Variants in SRRM2 observed in about 807,000 individuals in gnomAD.
SRRM2 encodes the protein serine/arginine repetitive matrix 2.
SRRM2 carries 30 observed loss-of-function variants against 213.8 expected under a neutral mutation model. The observed-to-expected ratio is 0.14, with a 90% CI of 0.10 to 0.19. The LOEUF (loss-of-function observed/expected upper bound fraction) is 0.19, where lower values mean the gene tolerates loss of function less well. Ranked by LOEUF, SRRM2 falls within the 10% of genes least tolerant of loss-of-function variation. The probability of loss-of-function intolerance (pLI) is 1.00; values close to 1 mark genes in which losing one functional copy is unlikely to be tolerated. For missense variants in SRRM2, 4,904 were observed against 3,647.0 expected (o/e 1.34, Z -8.88); for synonymous variants, 2,025 against 1,377.7 (o/e 1.47, Z -10.40).
chr16:2,771,283 C>T lies in SRRM2; in HGVS notation c.*416C>T. The T allele has an allele frequency of 1.1e-6, 1 of 873,330 alleles. No homozygotes were observed. The highest frequency in any genetic ancestry group is 1.9e-6 in the Non-Finnish European group (1 of 536,860). The allele number at this position is 873,330 out of a possible 1,614,324, so 54.1% of individuals were successfully genotyped here. A position where few individuals can be genotyped will look rare whatever the true frequency, so the allele number is the denominator to read the frequency against. On this transcript the variant is annotated 3_prime_UTR_variant, in exon 15 of 15. Coordinates refer to ENST00000301740, the MANE Select transcript of SRRM2 (RefSeq NM_016333.4). ...GGGCAGGAGTTGGAATTAGTTGGTC[C>T]CTACTGTCCCCCATGAGGTTGTGAA...
In SRRM2 at chr16:2,763,865, C is replaced by T; in HGVS notation, c.3337C>T (p.Pro1113Ser). The T allele has an allele frequency of 6.2e-7, 1 of 1,614,140 alleles. No individual in the cohort carries two copies. Among genetic ancestry groups the T allele is most frequent in the Non-Finnish European group, 8.5e-7 (1 of 1,180,020 alleles). ...SPVTELASRS[P>S]IRQDRGEFSA... ...AGTCACTGAGCTGGCATCCAGATCT[C>T]CAATAAGACAAGATAGAGGTGAGTT... Residue 1113 changes from proline (P) to serine (S), a missense_variant, in exon 11 of 15, where the codon CCA becomes TCA. By Grantham distance (74) the Pro-to-Ser change is moderately conservative. Coordinates refer to ENST00000301740, the MANE Select transcript of SRRM2 (RefSeq NM_016333.4).
chr16:2,770,821 G>T, intron 14 of SRRM2, 37 bp from the exon 15 acceptor site: 1 of 1,613,884 alleles, frequency 6.2e-7, no homozygotes, highest in Non-Finnish European at 8.5e-7. Flanking sequence ...GAGGGCTGGG[G>T]TGGGAACTCC....
intron 13 of SRRM2, 31 bp from the exon 14 acceptor site, chr16:2,770,573 C>T (rs566288195): frequency 6.4e-6 from 10 of 1,551,446 alleles, no homozygotes; most frequent in East Asian, 2.4e-5. Context: ...GTGGTGCCAC[C>T]CTGTGGCCTG....
intron 9 of SRRM2, 44 bp from the exon 10 acceptor site, chr16:2,760,257 A>G (rs1230037471): frequency 6.3e-7 from 1 of 1,583,826 alleles, no homozygotes; most frequent in African/African-American, 1.3e-5. Flanking sequence ...TCTCCCTTTG[A>G]GCTGATTTCC....
chr16:2,763,168 G>A lies in SRRM2; in HGVS notation c.2640G>A (p.Glu880=). The A allele has an allele frequency of 3.7e-6, 6 of 1,614,082 alleles. No individual in the cohort carries two copies. The highest frequency in any genetic ancestry group is 5.1e-6 in the Non-Finnish European group (6 of 1,180,022). The part of the protein sequence containing the change: ...RSCFESSPDP[E]LKSRTPSRHS... ...GTTTTGAATCATCACCTGACCCTGA[G>A]TTGAAATCTAGGACCCCTTCTAGAC... Residue 880 remains glutamate, a synonymous_variant, in exon 11 of 15, where the codon GAG becomes GAA. Coordinates refer to ENST00000301740, the MANE Select transcript of SRRM2 (RefSeq NM_016333.4).
chr16:2,761,934 G>A lies in SRRM2; in HGVS notation c.1406G>A (p.Arg469Gln), dbSNP rs370855457. 7.4e-6 allele frequency: 12 copies of A among 1,613,778 alleles called. No individual in the cohort carries two copies. In the East Asian group the frequency reaches 1.1e-4, roughly 15 times the overall value. ...SKNRSHGRAK[R>Q]DKSHSHTPSR... ...AATCGCTCACATGGCCGAGCAAAAC[G>A]GGATAAATCACATTCTCATACCCCC... is the stretch of plus-strand genomic sequence containing the variant. Residue 469 changes from arginine to glutamine, a missense_variant, in exon 11 of 15, where the codon CGG becomes CAG. Arg to Gln is a conservative substitution (Grantham distance 43). Coordinates refer to ENST00000301740, the MANE Select transcript of SRRM2 (RefSeq NM_016333.4).
chr16:2,759,344 T>C lies in SRRM2; in HGVS notation c.690-8T>C, dbSNP rs1438050648. On this transcript the variant is annotated splice_region_variant and splice_polypyrimidine_tract_variant and intron_variant, in intron 7 of 14. Coordinates refer to ENST00000301740, the MANE Select transcript of SRRM2 (RefSeq NM_016333.4). ...AGTTACTTTTAACAACCTTTCCTTA[T>C]TTCCCAGGTCTCCCACTCCAAAGAG... 3.7e-6 allele frequency: 6 copies of C among 1,606,000 alleles called. No homozygotes were observed. Among genetic ancestry groups the C allele is most frequent in the Non-Finnish European group, 4.2e-6 (5 of 1,177,930 alleles).
intron 3 of SRRM2, 39 bp downstream of exon 3, chr16:2,757,618 C>G: frequency 6.3e-7 from 1 of 1,592,420 alleles, no homozygotes; most frequent in Non-Finnish European, 8.6e-7. Context: ...CTGGACTCTA[C>G]TCTGGCTGCT....
chr16:2,769,370 G>A (rs1029084802), intron 12 of SRRM2, 86 bp downstream of exon 12: 2 of 1,448,222 alleles, frequency 1.4e-6, no homozygotes, highest in African/African-American at 2.8e-5. Context: ...CTCCCCGCTG[G>A]GTGTCTCACG....
intron 10 of SRRM2, 26 bp from the exon 11 acceptor site, chr16:2,761,535 A>G (rs1567226462): frequency 6.1e-6 from 9 of 1,470,730 alleles, no homozygotes; most frequent in African/African-American, 4.3e-5. Flanking sequence ...ATGAATCCCT[A>G]TCCCTGCTCT....
rs757850888 is a variant in SRRM2 at position 2,766,809 on chromosome 16, C to T, written c.6281C>T (p.Pro2094Leu). 15 of 1,614,092 alleles carry T rather than the reference C, an allele frequency of 9.3e-6. No individual in the cohort carries two copies. The East Asian group carries it at 1.6e-4, about 17-fold the overall frequency. ...GATCGTTCACGATCTGCTACTCCTCCAGCAACAAGAAATCATTCTGGTTCA... is the reference window on the plus strand; with the variant it reads ...GATCGTTCACGATCTGCTACTCCTCTAGCAACAAGAAATCATTCTGGTTCA... ...SSDRSRSATP[P>L]ATRNHSGSRT... Residue 2094 changes from proline (P) to leucine (L), a missense_variant, in exon 11 of 15, where the codon CCA (proline) becomes CTA (leucine). Pro to Leu is a moderately conservative substitution (Grantham distance 98). Transcript: ENST00000301740. This position sits in a 1 kb window ranked among gnomAD's most constrained non-coding sequence, Gnocchi z 7.0.
chr16:2,757,955 G>T lies in SRRM2; in HGVS notation c.515+10G>T. ...CTCCCAAACCTTACAGGTATACAAG[G>T]CCAAGAAACCACTGTCAGCTTCTTT... On this transcript the variant is annotated intron_variant, in intron 4 of 14. Coordinates refer to ENST00000301740, the MANE Select transcript of SRRM2 (RefSeq NM_016333.4). 7.5e-6 allele frequency: 12 copies of T among 1,600,484 alleles called. No individual in the cohort carries two copies. Among genetic ancestry groups the T allele is most frequent in the Non-Finnish European group, 1.0e-5 (12 of 1,173,692 alleles).
rs1318793266 is a variant in SRRM2, at chr16:2,767,415, A to G, written c.6887A>G (p.Asn2296Ser). Residue 2296 changes from asparagine (N) to serine (S), a missense_variant, in exon 11 of 15, where the codon AAC becomes AGC. By Grantham distance (46) the Asn-to-Ser change is conservative. Coordinates refer to ENST00000301740, the MANE Select transcript of SRRM2 (RefSeq NM_016333.4). ...CGCACTCCCACAGCCCCAGCTGTGA[A>G]CCTAGCAGGGGCCAGAACCCCAGCT... is the stretch of plus-strand genomic sequence containing the variant. ...DPRTPTAPAVNLAGARTPAAL... is the reference protein window; with the variant it reads ...DPRTPTAPAVSLAGARTPAAL... The G allele has an allele frequency of 6.2e-7, 1 of 1,613,812 alleles. No homozygotes were observed. Among genetic ancestry groups the G allele is most frequent in the Non-Finnish European group, 8.5e-7 (1 of 1,179,986 alleles).
At position 2,764,188 on chromosome 16, in the gene SRRM2, A is replaced by G; in HGVS notation, c.3660A>G (p.Pro1220=). 6.2e-7 allele frequency: 1 copy of G among 1,614,258 alleles called. No homozygotes were observed. The highest frequency in any genetic ancestry group is 8.5e-7 in the Non-Finnish European group (1 of 1,180,040). ...AAAGAAGTGGTGCTGGGTCATCTCC[A>G]GAAACAAAAGAGCAAAATAGTGCAT... ...PRERSGAGSS[P]ETKEQNSALP... is the part of the protein sequence containing the mutation. The change falls in exon 11 of 15, where the codon CCA becomes CCG. Residue 1220 remains proline (P), a synonymous_variant. Coordinates refer to ENST00000301740, the MANE Select transcript of SRRM2 (RefSeq NM_016333.4).
rs770320888 is a variant in SRRM2, at chr16:2,769,032, T to C, written c.7769T>C (p.Val2590Ala). The C allele has an allele frequency of 5.6e-6, 9 of 1,613,916 alleles. No individual in the cohort carries two copies. The highest frequency in any genetic ancestry group is 7.6e-6 in the Non-Finnish European group (9 of 1,180,000). Residue 2590 changes from valine (V) to alanine (A), a missense_variant, in exon 12 of 15, where the codon GTT (valine) becomes GCT (alanine). Coordinates refer to ENST00000301740, the MANE Select transcript of SRRM2 (RefSeq NM_016333.4). Reference protein sequence around the residue: ...PSPTPAPKEAVREGRPPEPTP... With the variant: ...PSPTPAPKEAAREGRPPEPTP... ...CCCACCCCAGCCCCAAAGGAGGCTGTTCGAGAGGGACGTCCTCCGGAGCCA... is the reference window on the plus strand; with the variant it reads ...CCCACCCCAGCCCCAAAGGAGGCTGCTCGAGAGGGACGTCCTCCGGAGCCA...
chr16:2,771,235 T>A lies in SRRM2; in HGVS notation c.*368T>A, dbSNP rs2068737185. The A allele has an allele frequency of 2.9e-6, 2 of 698,136 alleles. No homozygotes were observed. The highest frequency in any genetic ancestry group is 5.0e-6 in the Non-Finnish European group (2 of 397,700). The allele number at this position is 698,136 out of a possible 1,614,324, so 43.2% of individuals were successfully genotyped here. A position where few individuals can be genotyped will look rare whatever the true frequency, so the allele number is the denominator to read the frequency against. ...TGATGGTGGTTGGGACTGGAGGTTG[T>A]ATAAGGTGTTCTTGGAAGGAAGGGG... On this transcript the variant is annotated 3_prime_UTR_variant, in exon 15 of 15. Transcript: ENST00000301740.
Position 2,766,705 on chromosome 16 carries a change from A to G in SRRM2, c.6177A>G (p.Pro2059=). 1 of 1,614,188 alleles carries G rather than the reference A, an allele frequency of 6.2e-7. No individual in the cohort carries two copies. The highest frequency in any genetic ancestry group is 8.5e-7 in the Non-Finnish European group (1 of 1,180,032). The change falls in exon 11 of 15, where the codon CCA becomes CCG. Residue 2059 remains proline (P), a synonymous_variant. Transcript: ENST00000301740. This position sits in a 1 kb window ranked among gnomAD's most constrained non-coding sequence, Gnocchi z 7.0. ...AIRRRSRSRT[P]RTARGKRSLT... ...GCCGCCGCTCCAGATCCCGTACTCCACGAACAGCTCGGGGTAAACGGTCCT... is the reference window on the plus strand; with the variant it reads ...GCCGCCGCTCCAGATCCCGTACTCCGCGAACAGCTCGGGGTAAACGGTCCT...
Position 2,763,029 on chromosome 16 carries a change from G to T in SRRM2, c.2501G>T (p.Ser834Ile), listed in dbSNP as rs145855175. Reference sequence around the variant, plus strand: ...AAATCTAAGACACCATCAAGACAAAGTCATTCCAGTTCATCTCCTCATCCT... The same window carrying T: ...AAATCTAAGACACCATCAAGACAAATTCATTCCAGTTCATCTCCTCATCCT... ...KQKSKTPSRQSHSSSSPHPKV... is the reference protein window; with the variant it reads ...KQKSKTPSRQIHSSSSPHPKV... Residue 834 changes from serine to isoleucine, a missense_variant, in exon 11 of 15, where the codon AGT (serine) becomes ATT (isoleucine). By Grantham distance (142) the Ser-to-Ile change is moderately radical. Coordinates refer to ENST00000301740, the MANE Select transcript of SRRM2 (RefSeq NM_016333.4). 24 of 1,614,066 alleles carry T rather than the reference G, an allele frequency of 1.5e-5. No homozygotes were observed. Among genetic ancestry groups the T allele is most frequent in the Middle Eastern group, 1.6e-4 (1 of 6,062 alleles).
Position 2,767,506 on chromosome 16 carries a change from C to T in SRRM2, c.6978C>T (p.Ser2326=). Residue 2326 remains serine, a synonymous_variant, in exon 11 of 15, where the codon AGC becomes AGT. Coordinates refer to ENST00000301740, the MANE Select transcript of SRRM2 (RefSeq NM_016333.4). The stretch of plus-strand genomic sequence containing the variant: ...CAACTGCTGCAAACTATCCCTCCAG[C>T]TCCAGAACACCACAGGCTCCAGCCT... ...TPPTAANYPS[S]SRTPQAPASA... The T allele has an allele frequency of 6.2e-7, 1 of 1,614,208 alleles. No individual in the cohort carries two copies. The highest frequency in any genetic ancestry group is 2.2e-5 in the East Asian group (1 of 44,890).
Sources: gnomAD v4.1 joint callset for allele counts on GRCh38, gnomAD v4.1.1 for gene constraint, Gnocchi (gnomAD v3.1) non-coding constraint, MANE v1.5 for transcripts, NCBI Gene and HGNC (gene_info 2026-07-23, HGNC 2026-07-21) for gene names.